Variants in RAD21L1 observed in about 807,000 individuals in gnomAD.
RAD21L1 encodes RAD21 cohesin complex component like 1, also known as double-strand-break repair protein rad21-like protein 1.
Under a neutral mutation model 69.0 loss-of-function variants are expected in RAD21L1, and 47 were observed. That is an observed-to-expected ratio of 0.68 (90% CI 0.54 to 0.87). The LOEUF is 0.87. Among genes scored for constraint, RAD21L1 ranks in the 40% least tolerant of loss-of-function variants. RAD21L1 has a pLI of 0.00. For synonymous variants in RAD21L1, 177 were observed against 205.8 expected, an observed-to-expected ratio of 0.86 and a Z score of 1.20; for missense variants, 583 against 647.6, an observed-to-expected ratio of 0.90 and a Z score of 1.08.
Position 1,242,747 on chromosome 20 carries a change from C to T in RAD21L1, c.985C>T (p.Pro329Ser), listed in dbSNP as rs547178083. 2 of 1,551,564 alleles carry T rather than the reference C, an allele frequency of 1.3e-6. No individual in the cohort carries two copies. The highest frequency in any genetic ancestry group is 1.4e-5 in the African/African-American group (1 of 73,128). ...CACACTCATGGTTTTGGAACTTGCA[C>T]CTCCTACCCAAAGATTGATGATGTG... is the stretch of plus-strand genomic sequence containing the variant. ...ADTLMVLELA[P>S]PTQRLMMWKK... The change falls in exon 9 of 14, where the codon CCT becomes TCT. Residue 329 changes from proline to serine, a missense_variant. By Grantham distance (74) the Pro-to-Ser change is moderately conservative. Transcript: ENST00000683101.
chr20:1,228,233 A>G (rs1332515682), intron 1 of RAD21L1, among the ~76,000 whole-genome samples, 189 bp from the exon 2 acceptor site: 1 of 152,186 alleles, frequency 6.6e-6, no homozygotes, highest in Admixed American at 6.5e-5. Context: ...AATTTACTAG[A>G]GCTTTGTCAT....
intron 12 of RAD21L1, among the ~76,000 whole-genome samples, chr20:1,247,987 A>T (rs999514769): frequency 3.4e-5 from 5 of 145,164 alleles, no homozygotes; most frequent in Admixed American, 1.4e-4. Flanking sequence ...TTTGTAAGGG[A>T]TTAGAATACC....
chr20:1,237,230 C>T (rs772668883), intron 5 of RAD21L1, among the ~76,000 whole-genome samples: 10 of 152,104 alleles, frequency 6.6e-5, no homozygotes, highest in Non-Finnish European at 1.5e-5. Flanking sequence ...AGATTCAAAC[C>T]CAAGAGAGGG....
At chr20:1,236,726 C>T (rs2087501868) in intron 5 of RAD21L1, among the ~76,000 whole-genome samples, 1 of 152,160 alleles carries the variant, frequency 6.6e-6, no homozygotes, top group African/African-American at 2.4e-5. Flanking sequence ...TCTTCTTCAC[C>T]AATATGTGAT....
intron 8 of RAD21L1, among the ~76,000 whole-genome samples, chr20:1,242,030 A>G (rs934630607): frequency 6.6e-6 from 1 of 152,196 alleles, no homozygotes; most frequent in African/African-American, 2.4e-5. Context: ...TCTATTACAT[A>G]AGCATTTTAA....
At chr20:1,249,925 A>G (rs1297538506) in intron 13 of RAD21L1, among the ~76,000 whole-genome samples, 2 of 151,814 alleles carry the variant, frequency 1.3e-5, no homozygotes, top group African/African-American at 2.4e-5. Flanking sequence ...TTACATATGT[A>G]TACATGCGCC....
chr20:1,229,670 C>T (rs1398797622), intron 2 of RAD21L1, among the ~76,000 whole-genome samples: 2 of 152,126 alleles, frequency 1.3e-5, no homozygotes, highest in Admixed American at 1.3e-4. Flanking sequence ...TAATAGTATA[C>T]TTTACTTAAA....
rs774307861 is a variant in RAD21L1, at chr20:1,254,329, C to T, written c.1540C>T (p.Arg514Ter). 112 of 1,551,034 alleles carry T rather than the reference C, an allele frequency of 7.2e-5. 1 individual carries two copies. Among genetic ancestry groups the T allele is most frequent in the South Asian group, 5.0e-4 (42 of 84,008 alleles). ...GATGAAGCTCTGTAGAAATAGTGAC[C>T]GAAAACAAGCAGCTGCCAAATTTTA... ...SLMKLCRNSDRKQAAAKFYSF... is the reference protein window; with the variant it reads ...SLMKLCRNSD The change falls in exon 14 of 14, where the codon CGA becomes TGA. Residue 514 changes from arginine to a stop codon, truncating the protein, a stop_gained. Transcript: ENST00000683101. LOFTEE classifies it high-confidence loss of function.
intron 13 of RAD21L1, among the ~76,000 whole-genome samples, chr20:1,253,035 C>T (rs2087865628): frequency 1.3e-5 from 2 of 152,154 alleles, no homozygotes; most frequent in Admixed American, 1.3e-4. Context: ...TATTCTCTCC[C>T]AGGGGGGAAA....
chr20:1,234,480 C>G (rs779197689), intron 5 of RAD21L1, among the ~76,000 whole-genome samples: 5 of 152,072 alleles, frequency 3.3e-5, no homozygotes, highest in Non-Finnish European at 5.9e-5. Flanking sequence ...TTCCTGCCCT[C>G]AAGGAGATTC....
intron 1 of RAD21L1, among the ~76,000 whole-genome samples, chr20:1,227,582 A>G (rs2087291804): frequency 6.6e-6 from 1 of 152,258 alleles, no homozygotes; most frequent in Admixed American, 6.5e-5. Flanking sequence ...GATTACTTAT[A>G]TGTAAGCAAT....
Position 1,254,484 on chromosome 20 carries a change from G to C in RAD21L1, c.*27G>C, listed in dbSNP as rs150223261. ...GGAAACCCAGACATACAGATTTATG[G>C]CATCACTGGAATTTCTGTGTAGATT... is the stretch of plus-strand genomic sequence containing the variant. On this transcript the variant is annotated 3_prime_UTR_variant, in exon 14 of 14. Transcript: ENST00000683101. 8.1e-4 allele frequency: 1,151 copies of C among 1,428,320 alleles called. 7 individuals are homozygous for C. The African/African-American group carries it at 0.014, about 17-fold the overall frequency. 88.5% of individuals were successfully genotyped at this position (1,428,320 alleles called of 1,614,324 possible).
chr20:1,254,192 A>G (rs2087889139), intron 13 of RAD21L1, 77 bp from the exon 14 acceptor site: 1 of 957,054 alleles, frequency 1.0e-6, no homozygotes, highest in Non-Finnish European at 1.5e-6. Flanking sequence ...TTTGTTGTTT[A>G]TTACGCATTT....
At chr20:1,248,486 AAT>A (rs2087761472) in intron 12 of RAD21L1, 138 bp from the exon 13 acceptor site, 1 of 499,752 alleles carries the variant, frequency 2.0e-6, no homozygotes, top group East Asian at 3.3e-5. Context: ...TTTTATAAAT[AAT>A]AAAGATTATA....
chr20:1,226,186 C>G (rs1001506611), intron 1 of RAD21L1, 46 bp downstream of exon 1: 5 of 151,812 alleles, frequency 3.3e-5, no homozygotes, highest in African/African-American at 1.2e-4. Context: ...GTGCTGTAGG[C>G]GGGCTGGGAG....
At chr20:1,253,995 T>A (rs1371534785) in intron 13 of RAD21L1, among the ~76,000 whole-genome samples, 2 of 152,200 alleles carry the variant, frequency 1.3e-5, no homozygotes, top group Non-Finnish European at 2.9e-5. Context: ...TAACATCAAT[T>A]TTAAAAAGGC....
Position 1,229,897 on chromosome 20 carries a change from A to G in RAD21L1, c.162A>G (p.Arg54=). The change falls in exon 3 of 14, where the codon CGA becomes CGG. Residue 54 remains arginine (R), a synonymous_variant. Transcript: ENST00000683101. Reference sequence around the variant, plus strand: ...ATTGAAAGGTGAAAATAGCACTTCGAACTTCAGGACACCTTCTTTTGGGAG... The same window carrying G: ...ATTGAAAGGTGAAAATAGCACTTCGGACTTCAGGACACCTTCTTTTGGGAG... ...ILSPKVKIAL[R]TSGHLLLGVV... is the part of the protein sequence containing the mutation. 1 of 1,548,624 alleles carries G rather than the reference A, an allele frequency of 6.5e-7. No homozygotes were observed. Among genetic ancestry groups the G allele is most frequent in the East Asian group, 2.5e-5 (1 of 40,808 alleles).
chr20:1,240,471 A>G, intron 8 of RAD21L1, 37 bp downstream of exon 8: 5 of 1,528,482 alleles, frequency 3.3e-6, no homozygotes, highest in Non-Finnish European at 4.4e-6. Flanking sequence ...AATTTTTAAT[A>G]CACTGTTAAC....
chr20:1,253,456 C>A (rs937760009), intron 13 of RAD21L1, among the ~76,000 whole-genome samples: 3 of 152,090 alleles, frequency 2.0e-5, no homozygotes, highest in African/African-American at 7.2e-5. Flanking sequence ...GCCACCATGC[C>A]CAGCTAATTT....
Sources: gnomAD v4.1 joint callset for allele counts (sites outside exome capture counted in the v4.1 genomes callset) on GRCh38, gnomAD v4.1.1 for gene constraint, MANE v1.5 for transcripts, NCBI Gene and HGNC (gene_info 2026-07-23, HGNC 2026-07-21) for gene names.